MROH1: variants seen among roughly 807,000 people sequenced by gnomAD.
MROH1 encodes maestro heat like repeat family member 1.
In MROH1, 117 loss-of-function variants were observed where a neutral mutation model predicts 116.5. The ratio of observed to expected loss-of-function variants is 1.00; its 90% confidence interval spans 0.86 to 1.17. MROH1 has a LOEUF of 1.17. Ranked by LOEUF, MROH1 falls within the 50% of genes most tolerant of loss-of-function variation. The probability of loss-of-function intolerance (pLI) is 0.00; values close to 1 mark genes in which losing one functional copy is unlikely to be tolerated. For synonymous variants in MROH1, 921 were observed against 583.9 expected (o/e 1.58, Z -8.32); for missense variants, 1,873 against 1,338.5 (o/e 1.40, Z -6.23).
chr8:144,207,655 A>G (rs1264840335), intron 12 of MROH1, among the ~76,000 whole-genome samples: 1 of 152,074 alleles, frequency 6.6e-6, no homozygotes, highest in Non-Finnish European at 1.5e-5. Context: ...ACAGGAGTGC[A>G]CTACCATGCC....
rs1825181587 is a variant in MROH1, at chr8:144,180,074, T to C, written c.301-104T>C. 3 of 1,434,660 alleles carry C rather than the reference T, an allele frequency of 2.1e-6. No individual in the cohort carries two copies. In the Admixed American group the frequency reaches 5.4e-5, roughly 26 times the overall value. 88.9% of individuals were successfully genotyped at this position (1,434,660 alleles called of 1,614,324 possible). ...GCCACCTTCCCTGACCTGCACTTTC[T>C]GGGGACGCTGAAAACAGCGTGCGCT... is the stretch of plus-strand genomic sequence containing the variant. On this transcript the variant is annotated intron_variant, in intron 5 of 43. Coordinates refer to ENST00000326134, the MANE Select transcript of MROH1 (RefSeq NM_032450.3). The surrounding 1 kb of genome is among the most constrained non-coding windows in gnomAD (Gnocchi z 7.4).
intron 3 of MROH1, among the ~76,000 whole-genome samples, chr8:144,167,229 GTGGGGTGGAGTGGCCGGTTGT>G (rs1176580389): frequency 4.4e-5 from 6 of 137,430 alleles, no homozygotes; most frequent in Non-Finnish European, 6.5e-5. Flanking sequence ...GTGGCCGGTT[GTGGGGTGGAGTGGCCGGTTGT>G]TGGGGTGGAG....
At chr8:144,231,534 G>A (rs1487991537) in intron 14 of MROH1, among the ~76,000 whole-genome samples, 1 of 152,196 alleles carries the variant, frequency 6.6e-6, no homozygotes, top group Admixed American at 6.5e-5. Flanking sequence ...AGCAGAGGGC[G>A]AGAGGTGGGG....
chr8:144,190,646 T>G, intron 7 of MROH1, 138 bp from the exon 8 acceptor site: 1 of 955,742 alleles, frequency 1.0e-6, no homozygotes, highest in African/African-American at 1.6e-5. Flanking sequence ...AGTCCTGGAG[T>G]TGTGTGCTTG....
rs565248577 is a variant in MROH1 at position 144,171,217 on chromosome 8, A to T, written c.168+2777A>T. 9.9e-5 allele frequency among the ~76,000 whole-genome samples: 15 copies of T among 152,270 alleles called. No individual in the cohort carries two copies. The South Asian group carries it at 3.1e-3, about 32-fold the overall frequency. On this transcript the variant is annotated intron_variant, in intron 4 of 43. Coordinates refer to ENST00000326134, the MANE Select transcript of MROH1 (RefSeq NM_032450.3). ...CAGGTGTGGCCTGTGCTTCTGACCG[A>T]CCTGCCATGAATCAGGGTTTTCACG...
At chr8:144,154,248 A>G (rs1302183320) in intron 1 of MROH1, among the ~76,000 whole-genome samples, 2 of 152,038 alleles carry the variant, frequency 1.3e-5, no homozygotes, top group Admixed American at 6.6e-5. Context: ...AAATTTTTTA[A>G]GTAGAGACAA....
intron 14 of MROH1, 26 bp from the exon 15 acceptor site, chr8:144,238,730 C>G: frequency 1.3e-6 from 1 of 768,056 alleles, no homozygotes; most frequent in Admixed American, 1.7e-5. Flanking sequence ...CGCCCACGCA[C>G]GCCTTTGCCT....
chr8:144,255,426 G>T, intron 34 of MROH1, 83 bp from the exon 35 acceptor site: 2 of 728,214 alleles, frequency 2.7e-6, no homozygotes, highest in East Asian at 2.6e-5. Flanking sequence ...GCAGGCGAAG[G>T]GGGATGCAGT....
rs897665353 is a variant in MROH1 at position 144,247,905 on chromosome 8, G to T, written c.3120+226G>T. Among the ~76,000 whole-genome samples, 4 of 152,268 alleles carry T rather than the reference G, an allele frequency of 2.6e-5. No individual in the cohort carries two copies. The East Asian group carries it at 7.7e-4, about 29-fold the overall frequency. ...GCAGTGCAGTCCATATGAGAGGAAG[G>T]TGCTATTTGTCTTGAGACCTGGCAG... On this transcript the variant is annotated intron_variant, in intron 31 of 43. Transcript: ENST00000326134.
intron 14 of MROH1, among the ~76,000 whole-genome samples, 183 bp from the exon 15 acceptor site, chr8:144,238,573 C>G (rs904906407): frequency 4.6e-5 from 7 of 152,238 alleles, no homozygotes; most frequent in African/African-American, 1.7e-4. Context: ...AGAACTGAGG[C>G]AGGTAAGCCT....
intron 18 of MROH1, 127 bp from the exon 19 acceptor site, chr8:144,239,974 C>G (rs1478006340): frequency 1.4e-6 from 1 of 709,000 alleles, no homozygotes; most frequent in Non-Finnish European, 2.6e-6. Flanking sequence ...TTCCTGGGAG[C>G]AGGTGGGGGG....
At chr8:144,174,940 T>C in intron 4 of MROH1, 7 of 985,424 alleles carry the variant, frequency 7.1e-6, no homozygotes, top group Non-Finnish European at 8.4e-6. Flanking sequence ...GATGCCACAG[T>C]TGTGAGTGGA....
At chr8:144,215,101 A>G (rs1834952800) in intron 12 of MROH1, among the ~76,000 whole-genome samples, 2 of 152,146 alleles carry the variant, frequency 1.3e-5, no homozygotes, top group Non-Finnish European at 2.9e-5. Flanking sequence ...TCAAATGTTA[A>G]TCTCCTTTGG....
chr8:144,261,248 C>T (rs1056126712), intron 42 of MROH1, 32 bp downstream of exon 42: 6 of 758,360 alleles, frequency 7.9e-6, no homozygotes, highest in Admixed American at 1.7e-5. Context: ...ACCCCCACGC[C>T]GCCCGGCAGC....
At chr8:144,183,215 A>T (rs1378298076) in intron 7 of MROH1, among the ~76,000 whole-genome samples, 1 of 151,856 alleles carries the variant, frequency 6.6e-6, no homozygotes, top group Non-Finnish European at 1.5e-5. Context: ...CCATCGTTAG[A>T]AAAAATATTT....
Position 144,239,329 on chromosome 8 carries a change from TC to T in MROH1, c.1601del (p.Pro534ArgfsTer6). On this transcript the variant is annotated frameshift_variant, in exon 17 of 44. Transcript: ENST00000326134. LOFTEE classifies it high-confidence loss of function. ...FLIQYDAHAS[L>X]PSPYAVTGRL... ...TTCCACCTCTCATCTCCAGCGAGCC[TC>T]CCGTCTCCCTATGCTGTAACCGGAA... 1 of 779,744 alleles carries T rather than the reference TC, an allele frequency of 1.3e-6. No homozygotes were observed. Among genetic ancestry groups the T allele is most frequent in the African/African-American group, 1.7e-5 (1 of 58,932 alleles). 48.3% of individuals were successfully genotyped at this position (779,744 alleles called of 1,614,324 possible). A position where few individuals can be genotyped will look rare whatever the true frequency, so the allele number is the denominator to read the frequency against.
intron 4 of MROH1, among the ~76,000 whole-genome samples, chr8:144,174,002 G>C (rs181462682): frequency 6.6e-6 from 1 of 152,112 alleles, no homozygotes; most frequent in African/African-American, 2.4e-5. Flanking sequence ...CCAAAGTCAG[G>C]CTGTCTCTTC....
At chr8:144,195,975 T>C (rs926084030) in intron 10 of MROH1, among the ~76,000 whole-genome samples, 1 of 152,192 alleles carries the variant, frequency 6.6e-6, no homozygotes, top group African/African-American at 2.4e-5. Context: ...GGTTTTGTTA[T>C]GCATAGAAAA....
At chr8:144,173,620 G>T (rs1226991706) in intron 4 of MROH1, among the ~76,000 whole-genome samples, 6 of 151,944 alleles carry the variant, frequency 3.9e-5, no homozygotes, top group African/African-American at 1.5e-4. Context: ...TACAGGTGGG[G>T]TTTCACCATG....
Sources: allele counts gnomAD v4.1 joint callset (sites outside exome capture counted in the v4.1 genomes callset), GRCh38; gene constraint gnomAD v4.1.1; non-coding constraint Gnocchi (gnomAD v3.1); transcripts MANE v1.5; gene names NCBI Gene and HGNC (gene_info 2026-07-23, HGNC 2026-07-21).